Variants in ZNF407 observed in about 807,000 individuals in gnomAD.
The protein encoded by ZNF407 is zinc finger protein 407.
Under a neutral mutation model 131.2 loss-of-function variants are expected in ZNF407, and 17 were observed. That is an observed-to-expected ratio of 0.13 (90% CI 0.09 to 0.19). The LOEUF is 0.19. ZNF407 is among the 10% of genes least tolerant of loss of function. The pLI, the probability that ZNF407 is intolerant of heterozygous loss-of-function variation, is 1.00. For synonymous variants in ZNF407, 1,156 were observed against 1,062.0 expected, an observed-to-expected ratio of 1.09 and a Z score of -1.72; for missense variants, 2,681 against 2,830.6, an observed-to-expected ratio of 0.95 and a Z score of 1.20.
At chr18:74,692,740 A>G (rs1967256855) in intron 3 of ZNF407, among the ~76,000 whole-genome samples, 3 of 151,994 alleles carry the variant, frequency 2.0e-5, no homozygotes, top group African/African-American at 4.8e-5. Flanking sequence ...TCAAAGATGT[A>G]GTGGAACTGC....
intron 8 of ZNF407, among the ~76,000 whole-genome samples, chr18:75,044,778 A>G (rs1016030240): frequency 2.6e-5 from 4 of 152,210 alleles, no homozygotes; most frequent in South Asian, 2.1e-4. Context: ...TTAAAAAACT[A>G]TTCACATTAT....
chr18:74,971,392 T>C (rs1019243112), intron 8 of ZNF407, among the ~76,000 whole-genome samples: 6 of 152,242 alleles, frequency 3.9e-5, no homozygotes, highest in African/African-American at 1.4e-4. Flanking sequence ...TCTGCTTCCC[T>C]TATAAAACTG....
chr18:74,913,164 C>T (rs1286290922), intron 7 of ZNF407, among the ~76,000 whole-genome samples: 1 of 152,148 alleles, frequency 6.6e-6, no homozygotes, highest in Non-Finnish European at 1.5e-5. Flanking sequence ...CAGAATTTAT[C>T]AGAATTCATG....
chr18:74,979,953 C>CT (rs1209287441), intron 8 of ZNF407, among the ~76,000 whole-genome samples: 2 of 151,988 alleles, frequency 1.3e-5, no homozygotes, highest in African/African-American at 4.8e-5. Context: ...TGTTTTAACT[C>CT]TAAGTGTTAA....
At chr18:74,657,098 T>C (rs1985493996) in intron 3 of ZNF407, among the ~76,000 whole-genome samples, 1 of 151,574 alleles carries the variant, frequency 6.6e-6, no homozygotes, top group African/African-American at 2.4e-5. Flanking sequence ...TTTTTTTTTT[T>C]TAATTTAAGT....
At chr18:74,790,286 A>G (rs1969801679) in intron 4 of ZNF407, among the ~76,000 whole-genome samples, 1 of 152,200 alleles carries the variant, frequency 6.6e-6, no homozygotes, top group Non-Finnish European at 1.5e-5. Flanking sequence ...CTTGCCTCTT[A>G]TATAGAAATA....
intron 8 of ZNF407, among the ~76,000 whole-genome samples, chr18:74,930,683 T>C (rs1028587220): frequency 1.6e-4 from 24 of 152,224 alleles, no homozygotes; most frequent in African/African-American, 5.8e-4. Flanking sequence ...CCAATACCAT[T>C]GTGGCTTATT....
At chr18:75,005,699 AC>A (rs1026907237) in intron 8 of ZNF407, among the ~76,000 whole-genome samples, 12 of 56,102 alleles carry the variant, frequency 2.1e-4, no homozygotes, top group Non-Finnish European at 4.0e-4. Flanking sequence ...CATCCCCGCC[AC>A]CCCCCCCACC....
At chr18:74,685,277 A>G (rs952772748) in intron 3 of ZNF407, among the ~76,000 whole-genome samples, 1 of 152,210 alleles carries the variant, frequency 6.6e-6, no homozygotes, top group African/African-American at 2.4e-5. Context: ...GATATAAATA[A>G]GTAGACATTG....
At chr18:74,722,074 T>C (rs1048531341) in intron 3 of ZNF407, among the ~76,000 whole-genome samples, 4 of 152,074 alleles carry the variant, frequency 2.6e-5, no homozygotes, top group African/African-American at 7.2e-5. Context: ...GTTTTTTTTT[T>C]CAGCAGCTTG....
intron 8 of ZNF407, among the ~76,000 whole-genome samples, chr18:74,997,416 G>A (rs1972791932): frequency 6.6e-6 from 1 of 152,064 alleles, no homozygotes; most frequent in Non-Finnish European, 1.5e-5. Flanking sequence ...CCAGCAAAAG[G>A]AAAAGGGAAC....
At chr18:74,657,587 C>T (rs956743128) in intron 3 of ZNF407, among the ~76,000 whole-genome samples, 4 of 152,138 alleles carry the variant, frequency 2.6e-5, no homozygotes, top group Non-Finnish European at 4.4e-5. Context: ...TTGATCTTTG[C>T]GATGGTGTAT....
chr18:74,865,931 G>C (rs1204995150), intron 4 of ZNF407, among the ~76,000 whole-genome samples: 2 of 152,146 alleles, frequency 1.3e-5, no homozygotes, highest in Non-Finnish European at 2.9e-5. Context: ...CTTAGTGGAG[G>C]CATGTGTCAG....
chr18:74,704,342 A>G (rs1967573261), intron 3 of ZNF407, among the ~76,000 whole-genome samples: 2 of 152,284 alleles, frequency 1.3e-5, no homozygotes, highest in African/African-American at 4.8e-5. Flanking sequence ...TTTATAGAGC[A>G]CTTCACTCAA....
chr18:75,010,445 T>C (rs1972960475), intron 8 of ZNF407, among the ~76,000 whole-genome samples: 1 of 152,158 alleles, frequency 6.6e-6, no homozygotes, highest in Admixed American at 6.5e-5. Flanking sequence ...GCAACAGTCA[T>C]GTGTCACCAA....
intron 8 of ZNF407, among the ~76,000 whole-genome samples, chr18:75,028,553 C>A (rs1470723154): frequency 6.6e-6 from 1 of 152,208 alleles, no homozygotes; most frequent in Non-Finnish European, 1.5e-5. Context: ...CAGCTCCTAA[C>A]AGACTTAAAA....
In ZNF407 at chr18:74,821,441, C is replaced by T. The variant is rs569019759; in HGVS notation, c.4877+39939C>T. On this transcript the variant is annotated intron_variant, in intron 4 of 8. Transcript: ENST00000299687. ...CCCTAGTCCCCCACCCCACAACAGG[C>T]CCCCGTGTGTGATGATCCCCTCCCT... is the stretch of plus-strand genomic sequence containing the variant. Among the ~76,000 whole-genome samples, 31 of 151,654 alleles carry T rather than the reference C, an allele frequency of 2.0e-4. No homozygotes were observed. In the South Asian group the frequency reaches 3.1e-3, roughly 15 times the overall value.
At chr18:75,011,928 C>G (rs375741874) in intron 8 of ZNF407, among the ~76,000 whole-genome samples, 15 of 151,814 alleles carry the variant, frequency 9.9e-5, no homozygotes, top group East Asian at 5.8e-4. Flanking sequence ...TTTTAATAGC[C>G]TAGTAAAATT....
chr18:74,908,242 A>G (rs1324766891), intron 7 of ZNF407, among the ~76,000 whole-genome samples: 1 of 152,148 alleles, frequency 6.6e-6, no homozygotes, highest in Non-Finnish European at 1.5e-5. Flanking sequence ...TTTTGGTAGC[A>G]TTTGGACGTT....
Sources: gnomAD v4.1 joint callset for allele counts (sites outside exome capture counted in the v4.1 genomes callset) on GRCh38, gnomAD v4.1.1 for gene constraint, MANE v1.5 for transcripts, NCBI Gene and HGNC (gene_info 2026-07-23, HGNC 2026-07-21) for gene names.